The following EML5 variants were observed in gnomAD, a reference collection of about 807,000 sequenced individuals.
EML5 encodes the protein EMAP like 5, also known as echinoderm microtubule-associated protein-like 5.
In EML5, 120 loss-of-function variants were observed where a neutral mutation model predicts 250.0. That is an observed-to-expected ratio of 0.48 (90% CI 0.41 to 0.56). EML5 has a LOEUF of 0.56. EML5 is among the 20% of genes least tolerant of loss of function. The pLI, the probability that EML5 is intolerant of heterozygous loss-of-function variation, is 0.00. For missense variants in EML5, 2,006 were observed against 2,437.6 expected (o/e 0.82, Z 3.73); for synonymous variants, 771 against 806.5 (o/e 0.96, Z 0.75).
In EML5 at chr14:88,620,654, G is replaced by A; in HGVS notation, c.5375+100C>T. On this transcript the variant is annotated intron_variant, in intron 39 of 43. Coordinates refer to ENST00000554922, the MANE Select transcript of EML5 (RefSeq NM_183387.3). The surrounding 1 kb of genome is among the most constrained non-coding windows in gnomAD (Gnocchi z 4.3). The stretch of plus-strand genomic sequence containing the variant: ...ATTTATAATACGGGAAATGCTACAG[G>A]CCCTGGGGACCTCTTTTTGAAGGCA... 1.1e-6 allele frequency: 1 copy of A among 929,236 alleles called. No homozygotes were observed. Among genetic ancestry groups the A allele is most frequent in the Non-Finnish European group, 1.5e-6 (1 of 662,676 alleles). The allele number at this position is 929,236 out of a possible 1,614,324, so 57.6% of individuals were successfully genotyped here. A position where few individuals can be genotyped will look rare whatever the true frequency, so the allele number is the denominator to read the frequency against.
intron 7 of EML5, among the ~76,000 whole-genome samples, chr14:88,729,856 C>T (rs1260257674): frequency 1.5e-5 from 2 of 134,234 alleles, no homozygotes; most frequent in Admixed American, 7.8e-5. Flanking sequence ...CCACCACACT[C>T]GGTCTTGTTT....
chr14:88,684,422 G>A (rs966226973), intron 20 of EML5, among the ~76,000 whole-genome samples: 9 of 141,708 alleles, frequency 6.4e-5, no homozygotes, highest in African/African-American at 1.6e-4. Context: ...CGCCCGCCTC[G>A]GCCTCCCAAA....
At chr14:88,658,486 C>T (rs1424654311) in intron 25 of EML5, 98 bp from the exon 26 acceptor site, 3 of 955,988 alleles carry the variant, frequency 3.1e-6, no homozygotes, top group Non-Finnish European at 4.5e-6. Context: ...AAAAATTAAT[C>T]ATTTCAAGTG....
intron 17 of EML5, among the ~76,000 whole-genome samples, chr14:88,690,511 G>T (rs1028543238): frequency 1.3e-5 from 2 of 152,180 alleles, no homozygotes; most frequent in African/African-American, 2.4e-5. Flanking sequence ...TAGTGACCTT[G>T]TAAGAGCAGC....
chr14:88,661,121 C>T (rs1005265244), intron 25 of EML5, among the ~76,000 whole-genome samples: 9 of 152,056 alleles, frequency 5.9e-5, no homozygotes, highest in East Asian at 1.9e-4. Context: ...CAGGGTTTTG[C>T]GCTGTCACCC....
intron 8 of EML5, among the ~76,000 whole-genome samples, chr14:88,719,235 A>G (rs1315664341): frequency 2.0e-5 from 3 of 152,042 alleles, no homozygotes; most frequent in Non-Finnish European, 4.4e-5. Flanking sequence ...AAATTAAAAC[A>G]TTAGCTAGGC....
rs1595522645 is a variant in EML5, at chr14:88,687,268, T to A, written c.2802A>T (p.Arg934Ser). Residue 934 changes from arginine to serine, a missense_variant, in exon 19 of 44, where the codon AGA (arginine) becomes AGT (serine). Arg to Ser is a moderately radical substitution (Grantham distance 110, BLOSUM62 -1). Coordinates refer to ENST00000554922, the MANE Select transcript of EML5 (RefSeq NM_183387.3). ...TTTTTATAGCATAGGTCTTGAGACATCTTTCAAAAGAGTCATCCCAAAGAG... is the reference window on the plus strand; with the variant it reads ...TTTTTATAGCATAGGTCTTGAGACAACTTTCAAAAGAGTCATCCCAAAGAG... The part of the protein sequence containing the change: ...IVALWDDSFE[R>S]CLKTYAIKRA... 1.9e-6 allele frequency: 3 copies of A among 1,612,568 alleles called. No homozygotes were observed. Among genetic ancestry groups the A allele is most frequent in the Non-Finnish European group, 2.5e-6 (3 of 1,179,388 alleles).
intron 21 of EML5, among the ~76,000 whole-genome samples, chr14:88,665,767 G>A (rs1284080705): frequency 6.6e-6 from 1 of 152,118 alleles, no homozygotes; most frequent in East Asian, 1.9e-4. Flanking sequence ...AAATAGACAG[G>A]CATGGTGGCA....
intron 8 of EML5, among the ~76,000 whole-genome samples, chr14:88,723,203 A>G (rs1333805435): frequency 6.6e-6 from 1 of 152,124 alleles, no homozygotes; most frequent in East Asian, 1.9e-4. Context: ...GCTTGAGGCC[A>G]GGAGTTTGAG....
At chr14:88,676,755 A>G (rs563938083) in intron 21 of EML5, among the ~76,000 whole-genome samples, 1 of 152,302 alleles carries the variant, frequency 6.6e-6, no homozygotes, top group African/African-American at 2.4e-5. Context: ...TACAGTAACC[A>G]AAACATCATG....
chr14:88,683,398 A>T (rs1455169676), intron 20 of EML5, among the ~76,000 whole-genome samples: 1 of 152,238 alleles, frequency 6.6e-6, no homozygotes, highest in East Asian at 1.9e-4. Context: ...AAAACAATAG[A>T]GCAATATGCT....
chr14:88,728,070 T>C (rs907084224), intron 7 of EML5, among the ~76,000 whole-genome samples: 1 of 152,198 alleles, frequency 6.6e-6, no homozygotes, highest in Non-Finnish European at 1.5e-5. Context: ...GGAGGAACTT[T>C]TGGGAGCTTT....
At position 88,620,407 on chromosome 14, in the gene EML5, C is replaced by T. The variant is rs2088676546; in HGVS notation, c.5375+347G>A. ...AGAGAAGATATGTTTGAAATCACAACTTTAGTTTTCCAGGGTGACAACTTT... is the reference window on the plus strand; with the variant it reads ...AGAGAAGATATGTTTGAAATCACAATTTTAGTTTTCCAGGGTGACAACTTT... On this transcript the variant is annotated intron_variant, in intron 39 of 43. Coordinates refer to ENST00000554922, the MANE Select transcript of EML5 (RefSeq NM_183387.3). This position sits in a 1 kb window ranked among gnomAD's most constrained non-coding sequence, Gnocchi z 4.3. 1 of 183,536 alleles carries T rather than the reference C, an allele frequency of 5.4e-6. No homozygotes were observed. Among genetic ancestry groups the T allele is most frequent in the South Asian group, 2.0e-4 (1 of 5,086 alleles). 11.4% of individuals were successfully genotyped at this position (183,536 alleles called of 1,614,324 possible).
rs2140794056 is a variant in EML5 at position 88,650,402 on chromosome 14, C to T, written c.4005-476G>A. On this transcript the variant is annotated intron_variant, in intron 27 of 43. Coordinates refer to ENST00000554922, the MANE Select transcript of EML5 (RefSeq NM_183387.3). ...CCAGGAGTTGGAGGTTGTAGTGAGCCAAAATCGTGCCACTGCACTCCAGCC... is the reference window on the plus strand; with the variant it reads ...CCAGGAGTTGGAGGTTGTAGTGAGCTAAAATCGTGCCACTGCACTCCAGCC... Among the ~76,000 whole-genome samples, 2 of 152,126 alleles carry T rather than the reference C, an allele frequency of 1.3e-5. 1 individual carries two copies.
At chr14:88,702,768 T>A in intron 13 of EML5, 136 bp from the exon 14 acceptor site, 1 of 613,644 alleles carries the variant, frequency 1.6e-6, no homozygotes, top group Non-Finnish European at 2.6e-6. Flanking sequence ...ACAATTTTTT[T>A]TCAAGAGATG....
At chr14:88,757,651 CAAAT>C (rs925739831) in intron 1 of EML5, among the ~76,000 whole-genome samples, 15 of 151,948 alleles carry the variant, frequency 9.9e-5, no homozygotes, top group African/African-American at 3.4e-4. Flanking sequence ...ATTTTTCAAA[CAAAT>C]AAAGGATTTT....
At chr14:88,691,488 C>T (rs1352795080) in intron 17 of EML5, among the ~76,000 whole-genome samples, 1 of 152,190 alleles carries the variant, frequency 6.6e-6, no homozygotes, top group Non-Finnish European at 1.5e-5. Flanking sequence ...CACAGCATAA[C>T]ATGTTCCTGT....
intron 1 of EML5, among the ~76,000 whole-genome samples, chr14:88,756,573 A>G (rs1006433595): frequency 1.3e-5 from 2 of 152,186 alleles, no homozygotes; most frequent in African/African-American, 2.4e-5. Context: ...TCATATATAC[A>G]GAAAATCCTA....
At chr14:88,726,414 G>A (rs899332342) in intron 8 of EML5, 127 bp downstream of exon 8, 43 of 568,960 alleles carry the variant, frequency 7.6e-5, no homozygotes, top group Non-Finnish European at 1.6e-5. Flanking sequence ...AATAAGAAGG[G>A]GAAGAGAAAA....
Sources: allele counts gnomAD v4.1 joint callset (sites outside exome capture counted in the v4.1 genomes callset), GRCh38; gene constraint gnomAD v4.1.1; non-coding constraint Gnocchi (gnomAD v3.1); transcripts MANE v1.5; gene names NCBI Gene and HGNC (gene_info 2026-07-23, HGNC 2026-07-21).